RASGRF1: variants seen among roughly 807,000 people sequenced by gnomAD.
The protein encoded by RASGRF1 is Ras protein specific guanine nucleotide releasing factor 1, also known as ras-specific guanine nucleotide-releasing factor 1.
Under a neutral mutation model 138.7 loss-of-function variants are expected in RASGRF1, and 40 were observed. The observed-to-expected ratio is 0.29, with a 90% CI of 0.22 to 0.38. The LOEUF (loss-of-function observed/expected upper bound fraction) is 0.38. Among genes scored for constraint, RASGRF1 ranks in the 10% least tolerant of loss-of-function variants. RASGRF1 has a pLI of 1.00. For missense variants in RASGRF1, 1,108 were observed against 1,650.4 expected (o/e 0.67, Z 5.69); for synonymous variants, 614 against 663.2 (o/e 0.93, Z 1.14).
Position 78,962,098 on chromosome 15 carries a change from C to G in RASGRF1, c.*46G>C. 8.2e-7 allele frequency: 1 copy of G among 1,213,702 alleles called. No individual in the cohort carries two copies. Among genetic ancestry groups the G allele is most frequent in the Admixed American group, 1.9e-5 (1 of 51,628 alleles). 75.2% of individuals were successfully genotyped at this position (1,213,702 alleles called of 1,614,324 possible). A position where few individuals can be genotyped will look rare whatever the true frequency, so the allele number is the denominator to read the frequency against. On this transcript the variant is annotated 3_prime_UTR_variant, in exon 27 of 27. Coordinates refer to ENST00000558480, the MANE Select transcript of RASGRF1 (RefSeq NM_001145648.3). The stretch of plus-strand genomic sequence containing the variant: ...ACCAAACGAATATGTACAGTATCAT[C>G]TAGCACATGTCCCCGGGAGCAGCTG...
intron 2 of RASGRF1, among the ~76,000 whole-genome samples, chr15:79,062,477 C>T (rs981911142): frequency 5.3e-5 from 8 of 152,194 alleles, no homozygotes; most frequent in Admixed American, 4.6e-4. Context: ...ATTCAAGATC[C>T]AGTTATGGTC....
At position 79,090,072 on chromosome 15, in the gene RASGRF1, C is replaced by T. The variant is rs926725090; in HGVS notation, c.276+151G>A. 12 of 1,185,792 alleles carry T rather than the reference C, an allele frequency of 1.0e-5. No homozygotes were observed. In the South Asian group the frequency reaches 2.0e-4, roughly 20 times the overall value. The allele number at this position is 1,185,792 out of a possible 1,614,324, so 73.5% of individuals were successfully genotyped here. A position where few individuals can be genotyped will look rare whatever the true frequency, so the allele number is the denominator to read the frequency against. The stretch of plus-strand genomic sequence containing the variant: ...CCGCAGTCACTCGCCTGGCTGGGAG[C>T]AAGCCTCCCCTCTCGCTGAGGGTGC... On this transcript the variant is annotated intron_variant, in intron 1 of 26. Transcript: ENST00000558480.
chr15:79,080,514 T>G (rs908400880), intron 1 of RASGRF1, among the ~76,000 whole-genome samples: 1 of 152,254 alleles, frequency 6.6e-6, no homozygotes, highest in African/African-American at 2.4e-5. Context: ...TATATTTCAC[T>G]CATATAGTCT....
At chr15:79,068,665 G>A (rs1450847165) in intron 1 of RASGRF1, among the ~76,000 whole-genome samples, 1 of 151,684 alleles carries the variant, frequency 6.6e-6, no homozygotes, top group Non-Finnish European at 1.5e-5. Context: ...TATATCTGGA[G>A]AATGTGAATG....
intron 26 of RASGRF1, among the ~76,000 whole-genome samples, chr15:78,962,662 C>T (rs1045217052): frequency 6.6e-6 from 1 of 152,088 alleles, no homozygotes; most frequent in African/African-American, 2.4e-5. Context: ...GCAGGAGGAT[C>T]GCTTGAGCCC....
chr15:78,973,221 G>C lies in RASGRF1; in HGVS notation c.3612+82C>G, dbSNP rs1163068017. ...CCCTATGCAGCAGGTTGGGCCTTGG[G>C]GGGCAGAGTGTGGGTGGGCCCCAGG... On this transcript the variant is annotated intron_variant, in intron 25 of 26. Coordinates refer to ENST00000558480, the MANE Select transcript of RASGRF1 (RefSeq NM_001145648.3). The surrounding 1 kb of genome is among the most constrained non-coding windows in gnomAD (Gnocchi z 4.9). 7.7e-6 allele frequency: 9 copies of C among 1,175,428 alleles called. No homozygotes were observed. Among genetic ancestry groups the C allele is most frequent in the Non-Finnish European group, 9.7e-6 (8 of 823,762 alleles). The allele number at this position is 1,175,428 out of a possible 1,614,324, so 72.8% of individuals were successfully genotyped here.
chr15:79,033,518 T>C (rs1361127712), intron 6 of RASGRF1, among the ~76,000 whole-genome samples: 2 of 151,162 alleles, frequency 1.3e-5, no homozygotes, highest in Admixed American at 1.3e-4. Context: ...CCCAAAGTGG[T>C]GGGATTAAAG....
At chr15:79,033,938 T>C (rs562984398) in intron 6 of RASGRF1, among the ~76,000 whole-genome samples, 1 of 152,336 alleles carries the variant, frequency 6.6e-6, no homozygotes, top group South Asian at 2.1e-4. Flanking sequence ...ATGGTTTCCT[T>C]GTAATCAACT....
intron 22 of RASGRF1, among the ~76,000 whole-genome samples, chr15:78,987,632 G>T (rs1446827107): frequency 6.6e-6 from 1 of 152,104 alleles, no homozygotes; most frequent in Non-Finnish European, 1.5e-5. Context: ...GGAGGTGGAG[G>T]TTGCAGTGAG....
chr15:78,975,613 A>G (rs9920807), intron 24 of RASGRF1, among the ~76,000 whole-genome samples: 2,423 of 151,796 alleles, frequency 0.016, 28 homozygotes, highest in Middle Eastern at 0.024. Flanking sequence ...TCAGGCTCCA[A>G]TGGTCCTCCT....
At chr15:79,047,211 C>T (rs549998315) in intron 4 of RASGRF1, among the ~76,000 whole-genome samples, 1 of 152,326 alleles carries the variant, frequency 6.6e-6, no homozygotes, top group African/African-American at 2.4e-5. Flanking sequence ...TCAGTTTTCC[C>T]ATCTGTAAAA....
At chr15:79,010,032 GTTTT>G (rs1002867378) in intron 13 of RASGRF1, among the ~76,000 whole-genome samples, 1 of 128,856 alleles carries the variant, frequency 7.8e-6, no homozygotes, top group South Asian at 2.5e-4. Context: ...CTCTTTGTTT[GTTTT>G]TTTTTTTTTT....
intron 24 of RASGRF1, chr15:78,979,134 C>G: frequency 7.8e-7 from 1 of 1,289,910 alleles, no homozygotes; most frequent in South Asian, 1.2e-5. Context: ...CCCACAAGCA[C>G]AGTCCACAGG....
intron 1 of RASGRF1, among the ~76,000 whole-genome samples, chr15:79,086,032 A>G (rs1331875171): frequency 6.6e-6 from 1 of 152,124 alleles, no homozygotes; most frequent in Non-Finnish European, 1.5e-5. Context: ...AACTCTAGGA[A>G]CATTTGGGGG....
intron 5 of RASGRF1, among the ~76,000 whole-genome samples, chr15:79,036,885 T>C (rs1033402083): frequency 6.6e-6 from 1 of 151,954 alleles, no homozygotes; most frequent in East Asian, 1.9e-4. Context: ...CCAGAGAATA[T>C]ACAGAAAGAA....
intron 1 of RASGRF1, among the ~76,000 whole-genome samples, chr15:79,086,545 G>T (rs894045401): frequency 2.0e-5 from 3 of 150,208 alleles, no homozygotes; most frequent in African/African-American, 7.5e-5. Context: ...CTAGAGAAGG[G>T]AACTAAGTGG....
chr15:79,038,092 CT>C (rs1483257388), intron 5 of RASGRF1, among the ~76,000 whole-genome samples: 2 of 152,182 alleles, frequency 1.3e-5, no homozygotes, highest in Non-Finnish European at 1.5e-5. Flanking sequence ...CACTGCTCAC[CT>C]CCTGCTGTGG....
At chr15:79,076,730 A>C (rs532681484) in intron 1 of RASGRF1, among the ~76,000 whole-genome samples, 4 of 152,336 alleles carry the variant, frequency 2.6e-5, no homozygotes, top group Admixed American at 6.5e-5. Flanking sequence ...CCTGGGTTCC[A>C]TTAACTACCG....
Position 79,058,385 on chromosome 15 carries a change from A to C in RASGRF1, c.480T>G (p.Leu160=), listed in dbSNP as rs754440142. Reference sequence around the variant, plus strand: ...TCTCCCCATCCTCGATCTGCTGCCGAAGCTGCTTGGCCACGGTCTTCTCTG... The same window carrying C: ...TCTCCCCATCCTCGATCTGCTGCCGCAGCTGCTTGGCCACGGTCTTCTCTG... ...VETEKTVAKQ[L]RQQIEDGEIE... The change falls in exon 3 of 27, where the codon CTT becomes CTG. Residue 160 remains leucine, a synonymous_variant. Coordinates refer to ENST00000558480, the MANE Select transcript of RASGRF1 (RefSeq NM_001145648.3). 1.2e-6 allele frequency: 2 copies of C among 1,614,114 alleles called. No individual in the cohort carries two copies. Among genetic ancestry groups the C allele is most frequent in the Non-Finnish European group, 1.7e-6 (2 of 1,180,020 alleles).
Sources: gnomAD v4.1 joint callset for allele counts (sites outside exome capture counted in the v4.1 genomes callset) on GRCh38, gnomAD v4.1.1 for gene constraint, Gnocchi (gnomAD v3.1) non-coding constraint, MANE v1.5 for transcripts, NCBI Gene and HGNC (gene_info 2026-07-23, HGNC 2026-07-21) for gene names.